The following MAN2A1 variants were observed in gnomAD, a reference collection of about 807,000 sequenced individuals.
MAN2A1 encodes mannosidase alpha class 2A member 1, also known as alpha-mannosidase 2.
MAN2A1 carries 76 observed loss-of-function variants against 142.6 expected under a neutral mutation model. That is an observed-to-expected ratio of 0.53 (90% CI 0.44 to 0.65). The LOEUF is 0.65. Among genes scored for constraint, MAN2A1 ranks in the 30% least tolerant of loss-of-function variants. The probability of loss-of-function intolerance (pLI) is 0.00; values close to 1 mark genes in which losing one functional copy is unlikely to be tolerated. For synonymous variants in MAN2A1, 559 were observed against 473.2 expected (o/e 1.18, Z -2.35); for missense variants, 1,311 against 1,365.1 (o/e 0.96, Z 0.62).
intron 12 of MAN2A1, among the ~76,000 whole-genome samples, chr5:109,807,647 A>G (rs1439571352): frequency 1.3e-5 from 2 of 152,122 alleles, no homozygotes; most frequent in African/African-American, 2.4e-5. Flanking sequence ...GGACCCTTGT[A>G]AATACATTGG....
chr5:109,834,671 A>C (rs930481831), intron 16 of MAN2A1, among the ~76,000 whole-genome samples: 2 of 152,230 alleles, frequency 1.3e-5, no homozygotes, highest in Non-Finnish European at 2.9e-5. Flanking sequence ...GGTAAGTAAT[A>C]GTAGCTGTTT....
chr5:109,843,647 CTATT>C (rs1486125534), intron 17 of MAN2A1, among the ~76,000 whole-genome samples: 1 of 152,052 alleles, frequency 6.6e-6, no homozygotes, highest in African/African-American at 2.4e-5. Context: ...ATAGGTATAT[CTATT>C]CAGAAATGGG....
chr5:109,760,929 A>G (rs565032089), intron 5 of MAN2A1, among the ~76,000 whole-genome samples: 1 of 151,960 alleles, frequency 6.6e-6, no homozygotes, highest in African/African-American at 2.4e-5. Flanking sequence ...TAAAATTTGT[A>G]GATATTCTTT....
intron 1 of MAN2A1, among the ~76,000 whole-genome samples, chr5:109,697,769 A>T (rs1030785856): frequency 6.6e-6 from 1 of 152,206 alleles, no homozygotes; most frequent in Non-Finnish European, 1.5e-5. Flanking sequence ...TTAATATTGG[A>T]GGCAAATAGT....
intron 4 of MAN2A1, among the ~76,000 whole-genome samples, chr5:109,742,340 G>T (rs1752291862): frequency 6.6e-6 from 1 of 152,284 alleles, no homozygotes; most frequent in South Asian, 2.1e-4. Context: ...TGAGATGAAG[G>T]TACCATCAGT....
rs370559431 is a variant in MAN2A1, at chr5:109,788,925, G to C, written c.1761-9G>C. The C allele has an allele frequency of 1.5e-6, 2 of 1,339,306 alleles. No individual in the cohort carries two copies. Among genetic ancestry groups the C allele is most frequent in the African/African-American group, 1.5e-5 (1 of 68,690 alleles). 83.0% of individuals were successfully genotyped at this position (1,339,306 alleles called of 1,614,324 possible). A position where few individuals can be genotyped will look rare whatever the true frequency, so the allele number is the denominator to read the frequency against. ...TGTTTCTCAGACTAATAAAATTTTT[G>C]ATTTACAGACTTTTTCATTCGTTAA... is the stretch of plus-strand genomic sequence containing the variant. On this transcript the variant is annotated splice_polypyrimidine_tract_variant and intron_variant, in intron 10 of 21. Coordinates refer to ENST00000261483, the MANE Select transcript of MAN2A1 (RefSeq NM_002372.4).
Position 109,820,465 on chromosome 5 carries a change from G to A in MAN2A1, c.2451+123G>A, listed in dbSNP as rs1012831461. 2.1e-5 allele frequency: 21 copies of A among 989,122 alleles called. No homozygotes were observed. In the Admixed American group the frequency reaches 3.1e-4, roughly 14 times the overall value. The allele number at this position is 989,122 out of a possible 1,614,324, so 61.3% of individuals were successfully genotyped here. ...TTTATTAGGGATAGATGAACTTTTG[G>A]TTGCAGTATTATCTATCACCTTATT... On this transcript the variant is annotated intron_variant, in intron 15 of 21. Transcript: ENST00000261483.
intron 8 of MAN2A1, among the ~76,000 whole-genome samples, chr5:109,775,707 C>G (rs570890732): frequency 6.6e-6 from 1 of 151,982 alleles, no homozygotes; most frequent in Non-Finnish European, 1.5e-5. Flanking sequence ...GTATGTATCT[C>G]TAAATTATAA....
chr5:109,846,026 T>C lies in MAN2A1; in HGVS notation c.2842+20T>C, dbSNP rs1254435377. On this transcript the variant is annotated intron_variant, in intron 18 of 21. Transcript: ENST00000261483. ...ATAGTGGTATGTATTGCTTACACTC[T>C]TTTCCACTCTGAAAGGTTTCAATTC... The C allele has an allele frequency of 1.3e-6, 2 of 1,579,358 alleles. No individual in the cohort carries two copies. Among genetic ancestry groups the C allele is most frequent in the Non-Finnish European group, 1.7e-6 (2 of 1,162,786 alleles).
intron 4 of MAN2A1, among the ~76,000 whole-genome samples, chr5:109,750,977 G>C (rs1480831293): frequency 6.6e-6 from 1 of 152,048 alleles, no homozygotes; most frequent in Non-Finnish European, 1.5e-5. Context: ...TAAGTGTTGG[G>C]AACATTTCCA....
intron 3 of MAN2A1, among the ~76,000 whole-genome samples, chr5:109,716,548 G>A (rs1751458150): frequency 6.6e-6 from 1 of 152,112 alleles, no homozygotes; most frequent in Non-Finnish European, 1.5e-5. Context: ...GAGACTGCTT[G>A]TTCATTTTAG....
Position 109,729,331 on chromosome 5 carries a change from T to A in MAN2A1, c.536-11T>A. ...ATTAGACCTTTGTGGTATATTTGTGTCTTGATTTAGGTTGGTTGAAGACTT... is the reference window on the plus strand; with the variant it reads ...ATTAGACCTTTGTGGTATATTTGTGACTTGATTTAGGTTGGTTGAAGACTT... On this transcript the variant is annotated splice_polypyrimidine_tract_variant and intron_variant, in intron 3 of 21. Coordinates refer to ENST00000261483, the MANE Select transcript of MAN2A1 (RefSeq NM_002372.4). 6.3e-7 allele frequency: 1 copy of A among 1,582,060 alleles called. No homozygotes were observed. The highest frequency in any genetic ancestry group is 8.6e-7 in the Non-Finnish European group (1 of 1,162,500).
chr5:109,801,186 G>A (rs57813987), intron 12 of MAN2A1, among the ~76,000 whole-genome samples: 160 of 152,266 alleles, frequency 1.1e-3, no homozygotes, highest in African/African-American at 3.7e-3. Context: ...CCATGGTGCC[G>A]TCAAAAGTCC....
intron 8 of MAN2A1, among the ~76,000 whole-genome samples, chr5:109,780,665 G>A (rs1206394320): frequency 2.6e-5 from 4 of 151,992 alleles, no homozygotes; most frequent in African/African-American, 9.7e-5. Context: ...ACAAGATTTG[G>A]TATCGTGTTT....
intron 21 of MAN2A1, 114 bp downstream of exon 21, chr5:109,865,260 T>A (rs1235037092): frequency 6.6e-6 from 5 of 758,168 alleles, no homozygotes; most frequent in Non-Finnish European, 1.1e-5. Context: ...CTCAGTTTCA[T>A]CAGTCTGCAA....
chr5:109,742,953 TG>T (rs1396122162), intron 4 of MAN2A1, among the ~76,000 whole-genome samples: 1 of 152,214 alleles, frequency 6.6e-6, no homozygotes, highest in African/African-American at 2.4e-5. Context: ...CTTCAACCAC[TG>T]GCATCTATTT....
chr5:109,761,475 G>A (rs1315503189), intron 5 of MAN2A1, among the ~76,000 whole-genome samples: 2 of 151,876 alleles, frequency 1.3e-5, no homozygotes, highest in Non-Finnish European at 2.9e-5. Context: ...AATACTGTAT[G>A]GTTTTTCTCA....
chr5:109,810,315 T>C (rs1482858006), intron 12 of MAN2A1, among the ~76,000 whole-genome samples: 1 of 152,170 alleles, frequency 6.6e-6, no homozygotes, highest in African/African-American at 2.4e-5. Context: ...AGAAAATATC[T>C]TCTTCTAGAT....
At chr5:109,707,404 CA>C (rs1751164291) in intron 1 of MAN2A1, among the ~76,000 whole-genome samples, 1 of 151,814 alleles carries the variant, frequency 6.6e-6, no homozygotes, top group Admixed American at 6.6e-5. Context: ...TTTTTTCTCC[CA>C]ATAAATACCT....
Sources: gnomAD v4.1 joint callset for allele counts (sites outside exome capture counted in the v4.1 genomes callset) on GRCh38, gnomAD v4.1.1 for gene constraint, MANE v1.5 for transcripts, NCBI Gene and HGNC (gene_info 2026-07-23, HGNC 2026-07-21) for gene names.